Variants in ABCB5 observed in about 807,000 individuals in gnomAD.
The protein encoded by ABCB5 is ATP-binding cassette sub-family B member 5.
A neutral mutation model predicts 144.2 loss-of-function variants in ABCB5; 155 were observed. That is an observed-to-expected ratio of 1.08 (90% confidence interval 0.94 to 1.23). The LOEUF (loss-of-function observed/expected upper bound fraction) is 1.23. Among genes scored for constraint, ABCB5 ranks in the 50% most tolerant of loss-of-function variants. ABCB5 has a pLI of 0.00. For synonymous variants in ABCB5, 610 were observed against 528.6 expected (o/e 1.15, Z -2.11); for missense variants, 1,830 against 1,520.8 (o/e 1.20, Z -3.38).
chr7:20,644,589 A>C (rs188133627), intron 7 of ABCB5, among the ~76,000 whole-genome samples: 1 of 152,334 alleles, frequency 6.6e-6, no homozygotes, highest in Admixed American at 6.5e-5. Flanking sequence ...TGTGAAATCT[A>C]AAAACAACAA....
intron 14 of ABCB5, among the ~76,000 whole-genome samples, chr7:20,668,594 G>GT (rs1239041224): frequency 2.1e-5 from 3 of 145,210 alleles, no homozygotes; most frequent in African/African-American, 8.3e-5. Context: ...GGGAGGTGGG[G>GT]GGGGGGGTCA....
chr7:20,671,772 A>T (rs1340670739), intron 14 of ABCB5, among the ~76,000 whole-genome samples: 2 of 152,234 alleles, frequency 1.3e-5, no homozygotes, highest in Non-Finnish European at 1.5e-5. Flanking sequence ...TTACAGATAA[A>T]GCTGTTCTAA....
At chr7:20,747,188 G>A (rs1472443986) in intron 26 of ABCB5, among the ~76,000 whole-genome samples, 1 of 152,120 alleles carries the variant, frequency 6.6e-6, no homozygotes, top group Non-Finnish European at 1.5e-5. Flanking sequence ...GTTAATTTGT[G>A]GTCAGATTGT....
At chr7:20,679,955 T>C (rs534471692) in intron 14 of ABCB5, among the ~76,000 whole-genome samples, 95 of 152,126 alleles carry the variant, frequency 6.2e-4, no homozygotes, top group African/African-American at 2.1e-3. Context: ...CAAATAAACA[T>C]TTACAGCAAC....
Position 20,743,060 on chromosome 7 carries a change from G to A in ABCB5, c.3208G>A (p.Val1070Met), listed in dbSNP as rs771775429. ...VQLLQRLYDP[V>M]QGQVLFDGVD... ...ACTTCTGCAGAGACTTTATGACCCC[G>A]TGCAAGGACAAGTGGTAAGACAGAA... The change falls in exon 25 of 28, where the codon GTG becomes ATG. Residue 1070 changes from valine to methionine, a missense_variant. By Grantham distance (21) the Val-to-Met change is conservative (BLOSUM62 1). Transcript: ENST00000404938. The A allele has an allele frequency of 3.9e-5, 63 of 1,613,796 alleles. No individual in the cohort carries two copies. The highest frequency in any genetic ancestry group is 1.6e-4 in the Middle Eastern group (1 of 6,078).
At chr7:20,730,107 C>A (rs1782160652) in intron 23 of ABCB5, among the ~76,000 whole-genome samples, 1 of 152,212 alleles carries the variant, frequency 6.6e-6, no homozygotes, top group African/African-American at 2.4e-5. Context: ...CCAGAGTTCA[C>A]CAACCCAGTA....
At chr7:20,697,663 G>T (rs1786466872) in intron 16 of ABCB5, among the ~76,000 whole-genome samples, 1 of 152,140 alleles carries the variant, frequency 6.6e-6, no homozygotes, top group Non-Finnish European at 1.5e-5. Context: ...TATAAAACCT[G>T]AAATTTTGTG....
chr7:20,706,705 T>C (rs1453089537), intron 20 of ABCB5, among the ~76,000 whole-genome samples: 1 of 152,076 alleles, frequency 6.6e-6, no homozygotes. Context: ...ATTTAAAAAG[T>C]AAAACAAGGG....
intron 26 of ABCB5, among the ~76,000 whole-genome samples, chr7:20,746,586 A>C (rs577017966): frequency 1.3e-5 from 2 of 152,350 alleles, no homozygotes; most frequent in African/African-American, 4.8e-5. Context: ...ACTAGAGTGT[A>C]AGATCCTTTT....
intron 14 of ABCB5, among the ~76,000 whole-genome samples, chr7:20,669,201 C>A (rs1230093704): frequency 3.4e-5 from 5 of 145,390 alleles, no homozygotes; most frequent in African/African-American, 1.0e-4. Context: ...CCCCTCTGCC[C>A]GGCCACGACC....
chr7:20,679,375 A>G (rs1211940432), intron 14 of ABCB5, among the ~76,000 whole-genome samples: 2 of 149,694 alleles, frequency 1.3e-5, no homozygotes, highest in African/African-American at 4.9e-5. Flanking sequence ...AGGCTGAGGC[A>G]GGAGAGAATT....
chr7:20,681,184 T>A (rs1583421801), intron 14 of ABCB5, among the ~76,000 whole-genome samples: 2 of 151,524 alleles, frequency 1.3e-5, no homozygotes, highest in East Asian at 3.9e-4. Context: ...TGGAGTGAAA[T>A]GGCATGACCT....
At position 20,745,228 on chromosome 7, in the gene ABCB5, G is replaced by A. The variant is rs1414938879; in HGVS notation, c.3223-4G>A. The A allele has an allele frequency of 6.2e-7, 1 of 1,613,754 alleles. No individual in the cohort carries two copies. Among genetic ancestry groups the A allele is most frequent in the South Asian group, 1.1e-5 (1 of 91,070 alleles). ...CACACCATTCTCCAATCTGCTTTTG[G>A]CAGCTGTTTGATGGTGTGGATGCAA... is the stretch of plus-strand genomic sequence containing the variant. On this transcript the variant is annotated splice_polypyrimidine_tract_variant and splice_region_variant and intron_variant, in intron 25 of 27. Transcript: ENST00000404938.
At position 20,685,696 on chromosome 7, in the gene ABCB5, G is replaced by C. The variant is rs534768118; in HGVS notation, c.1870G>C (p.Asp624His). The C allele has an allele frequency of 3.8e-6, 6 of 1,599,304 alleles. No individual in the cohort carries two copies. The highest frequency in any genetic ancestry group is 5.1e-6 in the Non-Finnish European group (6 of 1,174,058). Residue 624 changes from aspartate to histidine, a missense_variant and splice_region_variant, in exon 16 of 28, where the codon GAT (aspartate) becomes CAT (histidine). Physicochemically the swap from Asp to His is moderately conservative, Grantham distance 81. Transcript: ENST00000404938. ...GLYYSLVMSQ[D>H]IKKADEQMES... is the part of the protein sequence containing the mutation. ...ATAACCTATATATTCTTCCTGTAAG[G>C]ATATTAAAAAAGCTGATGAACAGAT...
Position 20,651,298 on chromosome 7 carries a change from A to G in ABCB5, c.1333-122A>G, listed in dbSNP as rs902742871. The G allele has an allele frequency of 3.5e-6, 3 of 854,004 alleles. No individual in the cohort carries two copies. In the African/African-American group the frequency reaches 5.1e-5, roughly 15 times the overall value. The allele number at this position is 854,004 out of a possible 1,614,324, so 52.9% of individuals were successfully genotyped here. ...TATGTTAGAAATATTTTATCAAAATATAGTCAGTCTTTGATTTCTAAAATA... is the reference window on the plus strand; with the variant it reads ...TATGTTAGAAATATTTTATCAAAATGTAGTCAGTCTTTGATTTCTAAAATA... On this transcript the variant is annotated intron_variant, in intron 12 of 27. Transcript: ENST00000404938.
intron 20 of ABCB5, among the ~76,000 whole-genome samples, chr7:20,712,582 A>G (rs2128046704): frequency 6.7e-6 from 1 of 149,756 alleles, no homozygotes; most frequent in East Asian, 2.0e-4. Context: ...TATTTTGAAT[A>G]GTTTCTATGC....
chr7:20,724,199 C>CTTATTTAT (rs10642660), intron 21 of ABCB5, among the ~76,000 whole-genome samples: 130 of 149,316 alleles, frequency 8.7e-4, no homozygotes, highest in South Asian at 2.6e-3. Context: ...TTTTTCTTGT[C>CTTATTTAT]TTATTTATTT....
rs1164214238 is a variant in ABCB5, at chr7:20,723,151, A to G, written c.2557A>G (p.Met853Val). 4.3e-6 allele frequency: 7 copies of G among 1,614,056 alleles called. No individual in the cohort carries two copies. The Admixed American group carries it at 1.2e-4, about 27-fold the overall frequency. The change falls in exon 21 of 28, where the codon ATG (methionine) becomes GTG (valine). Residue 853 changes from methionine to valine, a missense_variant. By Grantham distance (21) the Met-to-Val change is conservative. Coordinates refer to ENST00000404938, the MANE Select transcript of ABCB5 (RefSeq NM_001163941.2). ...SIAPVLAVTGMIETAAMTGFA... is the reference protein window; with the variant it reads ...SIAPVLAVTGVIETAAMTGFA... Reference sequence around the variant, plus strand: ...TGCTCCAGTACTTGCCGTGACAGGAATGATTGAAACCGCAGCAATGACTGG... The same window carrying G: ...TGCTCCAGTACTTGCCGTGACAGGAGTGATTGAAACCGCAGCAATGACTGG...
intron 14 of ABCB5, among the ~76,000 whole-genome samples, chr7:20,658,903 T>C (rs1452677131): frequency 3.3e-5 from 5 of 152,032 alleles, no homozygotes; most frequent in African/African-American, 9.7e-5. Context: ...ATGAGGCTGA[T>C]ACACAAGCAA....
Sources: gnomAD v4.1 joint callset for allele counts (sites outside exome capture counted in the v4.1 genomes callset) on GRCh38, gnomAD v4.1.1 for gene constraint, MANE v1.5 for transcripts, NCBI Gene and HGNC (gene_info 2026-07-23, HGNC 2026-07-21) for gene names.